The following RANBP2 variants were observed in gnomAD, a reference collection of about 807,000 sequenced individuals.
The protein encoded by RANBP2 is E3 SUMO-protein ligase RanBP2.
In RANBP2, 57 loss-of-function variants were observed where a neutral mutation model predicts 303.6. That is an observed-to-expected ratio of 0.19 (90% confidence interval 0.15 to 0.23). The LOEUF is 0.23. Among genes scored for constraint, RANBP2 ranks in the 10% least tolerant of loss-of-function variants. The pLI is 1.00. For synonymous variants in RANBP2, 1,167 were observed against 1,301.5 expected (o/e 0.90, Z 2.23); for missense variants, 3,138 against 3,780.8 (o/e 0.83, Z 4.46).
At chr2:109,138,583 C>G in the RANBP2 span, among the ~76,000 whole-genome samples, 1 of 152,168 alleles carries the variant, frequency 6.6e-6, no homozygotes, top group Non-Finnish European at 1.5e-5. Context: ...CAGGGCAGCC[C>G]CTGGGCAGCC....
At chr2:109,473,735 C>T in the RANBP2 span, among the ~76,000 whole-genome samples, 14 of 148,126 alleles carry the variant, frequency 9.5e-5, no homozygotes, top group Non-Finnish European at 2.1e-4. Flanking sequence ...ACCCCACCCA[C>T]TCCTGCCTGC....
chr2:109,330,026 G>A, the RANBP2 span, among the ~76,000 whole-genome samples: 1 of 152,140 alleles, frequency 6.6e-6, no homozygotes, highest in South Asian at 2.1e-4. Context: ...AACATCCCTG[G>A]CCCTTACAAA....
chr2:108,784,016 TG>T lies in RANBP2; in HGVS notation c.*116del, dbSNP rs1678441801. 2.9e-6 allele frequency: 3 copies of T among 1,017,862 alleles called. No individual in the cohort carries two copies. The highest frequency in any genetic ancestry group is 4.3e-6 in the Non-Finnish European group (3 of 697,372). The allele number at this position is 1,017,862 out of a possible 1,614,324, so 63.1% of individuals were successfully genotyped here. On this transcript the variant is annotated 3_prime_UTR_variant, in exon 29 of 29. Transcript: ENST00000283195. Reference sequence around the variant, plus strand: ...AAAATGGACGTTTCCGATTTACAAATGTAAAATTGCAGCTTATAGCTGTTGT... The same window carrying T: ...AAAATGGACGTTTCCGATTTACAAATTAAAATTGCAGCTTATAGCTGTTGT...
At chr2:109,042,292 G>A in the RANBP2 span, among the ~76,000 whole-genome samples, 1 of 152,116 alleles carries the variant, frequency 6.6e-6, no homozygotes, top group African/African-American at 2.4e-5. Context: ...TGCAATCTAT[G>A]TTCTATCTCT....
the RANBP2 span, among the ~76,000 whole-genome samples, chr2:108,917,363 C>T: frequency 1.3e-5 from 2 of 152,070 alleles, no homozygotes; most frequent in Non-Finnish European, 2.9e-5. Context: ...GTGACTACAG[C>T]GGACAATAAT....
At chr2:109,497,447 A>T in the RANBP2 span, among the ~76,000 whole-genome samples, 1 of 152,194 alleles carries the variant, frequency 6.6e-6, no homozygotes, top group African/African-American at 2.4e-5. Flanking sequence ...ATGGAATGAG[A>T]ATTCATTCTG....
At chr2:109,146,663 TG>T in the RANBP2 span, among the ~76,000 whole-genome samples, 3 of 152,272 alleles carry the variant, frequency 2.0e-5, no homozygotes, top group Admixed American at 1.3e-4. Context: ...GAGGCTGCTT[TG>T]GTCCCCAAAG....
At chr2:109,392,332 G>T in the RANBP2 span, among the ~76,000 whole-genome samples, 1 of 152,190 alleles carries the variant, frequency 6.6e-6, no homozygotes, top group African/African-American at 2.4e-5. Flanking sequence ...AGTAGCAATG[G>T]TGCTGCTTGT....
intron 19 of RANBP2, 101 bp from the exon 20 acceptor site, chr2:108,763,136 C>A: frequency 7.8e-7 from 1 of 1,289,098 alleles, no homozygotes; most frequent in Non-Finnish European, 1.1e-6. Flanking sequence ...AGATCTTCTT[C>A]ACTTCATATT....
the RANBP2 span, among the ~76,000 whole-genome samples, chr2:108,968,324 G>C: frequency 0.03 from 4,636 of 152,252 alleles, 198 homozygotes; most frequent in African/African-American, 0.09. Context: ...TAGCTCATAG[G>C]TCTTCAAGCC....
chr2:109,058,832 G>T, the RANBP2 span, among the ~76,000 whole-genome samples: 1 of 152,172 alleles, frequency 6.6e-6, no homozygotes, highest in African/African-American at 2.4e-5. Flanking sequence ...CCCCACAGGA[G>T]GCTAATGGGG....
chr2:108,753,596 T>C, intron 14 of RANBP2, 33 bp downstream of exon 14: 1 of 1,597,624 alleles, frequency 6.3e-7, no homozygotes, highest in Non-Finnish European at 8.5e-7. Context: ...CTAAAAGTTT[T>C]ATTTATTTAT....
At chr2:109,363,252 G>T in the RANBP2 span, among the ~76,000 whole-genome samples, 1 of 150,338 alleles carries the variant, frequency 6.7e-6, no homozygotes. Context: ...TTTTTAATTG[G>T]TTGCATTGGA....
chr2:109,437,702 T>C, the RANBP2 span, among the ~76,000 whole-genome samples: 1 of 151,166 alleles, frequency 6.6e-6, no homozygotes, highest in Admixed American at 6.6e-5. Context: ...ATCCTTCGCC[T>C]TCATGGCAGC....
At chr2:109,002,188 C>T in the RANBP2 span, among the ~76,000 whole-genome samples, 7 of 152,186 alleles carry the variant, frequency 4.6e-5, no homozygotes, top group Admixed American at 6.5e-5. Context: ...TCCAAGAGGC[C>T]GACCAATGCA....
chr2:109,427,002 T>A, the RANBP2 span, among the ~76,000 whole-genome samples: 1 of 152,084 alleles, frequency 6.6e-6, no homozygotes, highest in Non-Finnish European at 1.5e-5. Context: ...CGAGTCTCGC[T>A]CTGTCACCTA....
Position 108,763,686 on chromosome 2 carries a change from A to G in RANBP2, c.3147A>G (p.Pro1049=), listed in dbSNP as rs749127004. Residue 1049 remains proline, a synonymous_variant, in exon 20 of 29, where the codon CCA becomes CCG. Transcript: ENST00000283195. ...ATGGTGACTTCACGTTTTCCTCACC[A>G]CAGGTTGTGACACAGCCCCCTCCTG... ...SNDGDFTFSS[P]QVVTQPPPAA... The G allele has an allele frequency of 3.1e-6, 5 of 1,614,012 alleles. No homozygotes were observed. In the East Asian group the frequency reaches 8.9e-5, roughly 29 times the overall value.
rs569079852 is a variant in RANBP2, at chr2:108,768,658, T to C, written c.7849+270T>C. On this transcript the variant is annotated intron_variant, in intron 20 of 28. Transcript: ENST00000283195. Reference sequence around the variant, plus strand: ...GAACTCGGTACGGTATACGGACTCATGCTTGAATCATGCACATTAACGTGA... The same window carrying C: ...GAACTCGGTACGGTATACGGACTCACGCTTGAATCATGCACATTAACGTGA... 7.7e-4 allele frequency among the ~76,000 whole-genome samples: 117 copies of C among 152,326 alleles called. 1 individual carries two copies. Among genetic ancestry groups the C allele is most frequent in the Middle Eastern group, 3.4e-3 (1 of 294 alleles).
the RANBP2 span, among the ~76,000 whole-genome samples, chr2:109,495,477 CTTTTTTTTTTTTTTTTT>C: frequency 1.5e-4 from 14 of 94,238 alleles, no homozygotes; most frequent in Admixed American, 2.3e-4. Context: ...TCTTTCATTC[CTTTTTTTTTTTTTTTTT>C]TTTTTTTTTT....
Sources: allele counts gnomAD v4.1 joint callset (sites outside exome capture counted in the v4.1 genomes callset), GRCh38; gene constraint gnomAD v4.1.1; transcripts MANE v1.5; gene names NCBI Gene and HGNC (gene_info 2026-07-23, HGNC 2026-07-21).